EYS: variants seen among roughly 807,000 people sequenced by gnomAD.
EYS encodes protein eyes shut homolog.
EYS carries 250 observed loss-of-function variants against 282.1 expected under a neutral mutation model. The ratio of observed to expected loss-of-function variants is 0.89; its 90% CI spans 0.80 to 0.98. The LOEUF (loss-of-function observed/expected upper bound fraction) is 0.98, where lower values mean the gene tolerates loss of function less well. Ranked by LOEUF, EYS falls within the 50% of genes least tolerant of loss-of-function variation. The probability of loss-of-function intolerance (pLI) is 0.00; values close to 1 mark genes in which losing one functional copy is unlikely to be tolerated. For synonymous variants in EYS, 1,355 were observed against 1,282.9 expected (o/e 1.06, Z -1.20); for missense variants, 4,016 against 3,709.0 (o/e 1.08, Z -2.15).
At chr6:65,634,888 A>G (rs1207087676) in intron 2 of EYS, among the ~76,000 whole-genome samples, 3 of 152,174 alleles carry the variant, frequency 2.0e-5, no homozygotes, top group African/African-American at 7.2e-5. Context: ...TAACATCTGG[A>G]TAAATTGTGC....
intron 41 of EYS, among the ~76,000 whole-genome samples, chr6:63,733,048 G>A (rs575807932): frequency 6.6e-6 from 1 of 152,224 alleles, no homozygotes; most frequent in East Asian, 1.9e-4. Flanking sequence ...TGGGCCAAGT[G>A]GCTCTTTGAG....
chr6:64,832,704 G>A (rs563677241), intron 19 of EYS, among the ~76,000 whole-genome samples: 3 of 151,838 alleles, frequency 2.0e-5, no homozygotes, highest in African/African-American at 4.8e-5. Context: ...ACAGTATCAT[G>A]GATATATGCA....
intron 14 of EYS, among the ~76,000 whole-genome samples, chr6:64,949,661 A>T (rs1769416377): frequency 6.6e-6 from 1 of 151,946 alleles, no homozygotes; most frequent in Non-Finnish European, 1.5e-5. Context: ...TCATGGAAGA[A>T]GTATCATATT....
intron 30 of EYS, among the ~76,000 whole-genome samples, chr6:64,240,277 T>A (rs1168310814): frequency 6.6e-6 from 1 of 152,216 alleles, no homozygotes; most frequent in East Asian, 1.9e-4. Context: ...GCAGTTTTTT[T>A]CCAATTCTCT....
At chr6:65,608,480 T>G (rs1309615303) in intron 2 of EYS, among the ~76,000 whole-genome samples, 1 of 150,842 alleles carries the variant, frequency 6.6e-6, no homozygotes, top group Non-Finnish European at 1.5e-5. Context: ...ACTGTACACT[T>G]TATAAACAGT....
At chr6:64,857,648 G>A (rs1302274444) in intron 19 of EYS, among the ~76,000 whole-genome samples, 1 of 151,988 alleles carries the variant, frequency 6.6e-6, no homozygotes, top group Non-Finnish European at 1.5e-5. Flanking sequence ...GGATCATATG[G>A]CATTTCTATT....
chr6:64,490,407 G>C (rs1235373140), intron 26 of EYS, among the ~76,000 whole-genome samples: 1 of 150,818 alleles, frequency 6.6e-6, no homozygotes. Flanking sequence ...GTTTAATTTT[G>C]TCATACAAAT....
chr6:64,607,784 C>A (rs573610418), intron 24 of EYS, among the ~76,000 whole-genome samples: 2 of 152,154 alleles, frequency 1.3e-5, no homozygotes, highest in Admixed American at 1.3e-4. Context: ...AGAGTGAAAA[C>A]TTTCTGACGT....
chr6:64,054,551 G>T (rs1770919372), intron 33 of EYS, among the ~76,000 whole-genome samples: 1 of 152,098 alleles, frequency 6.6e-6, no homozygotes. Context: ...ATAAATGATG[G>T]AGAAAGGGGA....
chr6:65,575,526 A>C (rs761461239), intron 2 of EYS, among the ~76,000 whole-genome samples: 1 of 151,838 alleles, frequency 6.6e-6, no homozygotes, highest in Non-Finnish European at 1.5e-5. Context: ...TGTGACAGAC[A>C]TATCAAGGAA....
chr6:64,011,964 A>T (rs1370839770), intron 33 of EYS, among the ~76,000 whole-genome samples: 1 of 151,614 alleles, frequency 6.6e-6, no homozygotes, highest in African/African-American at 2.4e-5. Flanking sequence ...GATTTTGGGC[A>T]TGCATTAACA....
chr6:64,781,740 A>G (rs941038495), intron 22 of EYS, among the ~76,000 whole-genome samples: 9 of 152,114 alleles, frequency 5.9e-5, no homozygotes, highest in Admixed American at 6.5e-5. Context: ...TTTCTTTTTC[A>G]TACATTGGAG....
Position 63,760,269 on chromosome 6 carries a change from T to C in EYS, c.8071+2192A>G, listed in dbSNP as rs1016688998. On this transcript the variant is annotated intron_variant, in intron 41 of 42. Coordinates refer to ENST00000503581, the MANE Select transcript of EYS (RefSeq NM_001142800.2). Reference sequence around the variant, plus strand: ...GAGGAAAAAGTAAACTGAGAGGAGATTTTATGATTTAGGAGAGGTTATATG... The same window carrying C: ...GAGGAAAAAGTAAACTGAGAGGAGACTTTATGATTTAGGAGAGGTTATATG... Among the ~76,000 whole-genome samples the C allele has an allele frequency of 3.3e-5, 5 of 151,976 alleles. No individual in the cohort carries two copies. The East Asian group carries it at 9.6e-4, about 29-fold the overall frequency.
chr6:64,734,420 T>C (rs559390111), intron 22 of EYS, among the ~76,000 whole-genome samples: 2 of 152,300 alleles, frequency 1.3e-5, no homozygotes, highest in African/African-American at 2.4e-5. Flanking sequence ...GCATATGCAA[T>C]AGGCACAACT....
At chr6:65,357,345 T>C (rs971548059) in intron 8 of EYS, among the ~76,000 whole-genome samples, 4 of 152,002 alleles carry the variant, frequency 2.6e-5, no homozygotes, top group Non-Finnish European at 4.4e-5. Context: ...AATACATTCC[T>C]GGCCTTTGCT....
At chr6:64,490,733 A>T (rs1776712499) in intron 26 of EYS, among the ~76,000 whole-genome samples, 1 of 150,884 alleles carries the variant, frequency 6.6e-6, no homozygotes, top group Non-Finnish European at 1.5e-5. Context: ...AACTTTTTAA[A>T]TTTTTTTCAG....
At chr6:65,428,759 A>G (rs923084201) in intron 5 of EYS, among the ~76,000 whole-genome samples, 7 of 152,196 alleles carry the variant, frequency 4.6e-5, no homozygotes, top group African/African-American at 1.7e-4. Context: ...TTTTTTTTAA[A>G]TATAATGTAA....
At chr6:64,246,018 C>A (rs1281740828) in intron 30 of EYS, among the ~76,000 whole-genome samples, 15 of 56,214 alleles carry the variant, frequency 2.7e-4, no homozygotes, top group African/African-American at 9.8e-4. Flanking sequence ...AACTCCGTCT[C>A]AAAAAAAAAA....
chr6:63,790,848 G>T (rs1181686434), intron 37 of EYS, among the ~76,000 whole-genome samples: 1 of 152,164 alleles, frequency 6.6e-6, no homozygotes, highest in African/African-American at 2.4e-5. Flanking sequence ...AATTGTCCAG[G>T]TTATGGGAGT....
Sources: allele counts gnomAD v4.1 joint callset (sites outside exome capture counted in the v4.1 genomes callset), GRCh38; gene constraint gnomAD v4.1.1; transcripts MANE v1.5; gene names NCBI Gene and HGNC (gene_info 2026-07-23, HGNC 2026-07-21).